Variants in MTMR9 observed in about 807,000 individuals in gnomAD.
MTMR9 encodes the protein myotubularin related protein 9.
Under a neutral mutation model 69.5 loss-of-function variants are expected in MTMR9, and 39 were observed. The observed-to-expected ratio is 0.56, with a 90% CI of 0.43 to 0.73. The LOEUF (loss-of-function observed/expected upper bound fraction) is 0.73. Ranked by LOEUF, MTMR9 falls within the 30% of genes least tolerant of loss-of-function variation. The pLI is 0.00. For missense variants in MTMR9, 900 were observed against 671.2 expected, an observed-to-expected ratio of 1.34 and a Z score of -3.77; for synonymous variants, 354 against 240.8, an observed-to-expected ratio of 1.47 and a Z score of -4.35.
chr8:11,329,865 TGAG>T (rs1169644996), downstream of MTMR9, among the ~76,000 whole-genome samples: 7 of 149,182 alleles, frequency 4.7e-5, no homozygotes, highest in East Asian at 1.0e-3. Flanking sequence ...GTCTAGGAAG[TGAG>T]GAGCGTCTCT....
downstream of MTMR9, among the ~76,000 whole-genome samples, chr8:11,330,561 G>C (rs1801172901): frequency 6.6e-6 from 1 of 152,232 alleles, no homozygotes; most frequent in Admixed American, 6.5e-5. Flanking sequence ...ACTTCATTTT[G>C]TTCTGTACTG....
chr8:11,300,287 T>C (rs937351243), intron 3 of MTMR9, 139 bp downstream of exon 3: 1 of 912,096 alleles, frequency 1.1e-6, no homozygotes, highest in African/African-American at 1.7e-5. Flanking sequence ...TTTAAAAGGA[T>C]TGAAGCCATG....
chr8:11,295,498 TACTC>T (rs3841665), intron 2 of MTMR9, among the ~76,000 whole-genome samples, 196 bp downstream of exon 2: 54,618 of 151,834 alleles, frequency 0.36, 11,051 homozygotes, highest in East Asian at 0.7. Context: ...TGTCTGGTGT[TACTC>T]ACGTTATATG....
At position 11,324,604 on chromosome 8, in the gene MTMR9, C is replaced by A. The variant is rs1460025006; in HGVS notation, c.*1816C>A. On this transcript the variant is annotated 3_prime_UTR_variant, in exon 10 of 10. Transcript: ENST00000221086. Reference sequence around the variant, plus strand: ...TTAATACAGCTGAGCTTTTTGTTTTCTTCTCTTTTTGTCTCAAGATTGTAT... The same window carrying A: ...TTAATACAGCTGAGCTTTTTGTTTTATTCTCTTTTTGTCTCAAGATTGTAT... 43 of 149,770 alleles carry A rather than the reference C, an allele frequency of 2.9e-4. No homozygotes were observed. The highest frequency in any genetic ancestry group is 5.9e-5 in the Non-Finnish European group (4 of 67,568). The allele number at this position is 149,770 out of a possible 1,614,324, so 9.3% of individuals were successfully genotyped here.
At chr8:11,289,613 C>T (rs1276394604) in intron 1 of MTMR9, among the ~76,000 whole-genome samples, 1 of 152,028 alleles carries the variant, frequency 6.6e-6, no homozygotes, top group South Asian at 2.1e-4. Context: ...TTTTCACTCC[C>T]GTTTCCTGCC....
chr8:11,285,051 A>G lies in MTMR9; in HGVS notation c.163A>G (p.Ile55Val). 4.4e-6 allele frequency: 7 copies of G among 1,604,228 alleles called. No homozygotes were observed. The highest frequency in any genetic ancestry group is 1.7e-5 in the Admixed American group (1 of 59,104). Reference sequence around the variant, plus strand: ...GGAGCTGTGGCTCCTCCATTCAAACATCGACGCCATCGACAAGCGGTGAGT... The same window carrying G: ...GGAGCTGTGGCTCCTCCATTCAAACGTCGACGCCATCGACAAGCGGTGAGT... ...TEELWLLHSN[I>V]DAIDKRFVGS... Residue 55 changes from isoleucine to valine, a missense_variant, in exon 1 of 10, where the codon ATC becomes GTC. Coordinates refer to ENST00000221086, the MANE Select transcript of MTMR9 (RefSeq NM_015458.4).
At position 11,300,028 on chromosome 8, in the gene MTMR9, G is replaced by A. The variant is rs1463596955; in HGVS notation, c.297G>A (p.Leu99=). The part of the protein sequence containing the change: ...CLNIASSIEA[L]STLDSITLMY... ...TCTTTTCTTTTTGCCCCCAGGCATT[G>A]TCTACTCTGGACTCCATCACTCTGA... Residue 99 remains leucine (L), a synonymous_variant, in exon 3 of 10, where the codon TTG becomes TTA. Transcript: ENST00000221086. 6 of 1,610,836 alleles carry A rather than the reference G, an allele frequency of 3.7e-6. No individual in the cohort carries two copies. Among genetic ancestry groups the A allele is most frequent in the East Asian group, 2.2e-5 (1 of 44,736 alleles).
intron 9 of MTMR9, chr8:11,321,311 C>T: frequency 2.5e-6 from 1 of 405,196 alleles, no homozygotes; most frequent in Admixed American, 2.7e-5. Flanking sequence ...TCGTCACAGT[C>T]AGTACAGGGT....
At chr8:11,321,391 C>G (rs1181631179) in intron 9 of MTMR9, 2 of 456,152 alleles carry the variant, frequency 4.4e-6, no homozygotes, top group Non-Finnish European at 8.8e-6. Flanking sequence ...GTACTTAAAG[C>G]CACTGTCACA....
rs1358595895 is a variant in MTMR9, at chr8:11,327,625, T to C, written c.*4837T>C. 2.6e-5 allele frequency: 4 copies of C among 152,692 alleles called. No homozygotes were observed. Among genetic ancestry groups the C allele is most frequent in the African/African-American group, 9.6e-5 (4 of 41,466 alleles). The allele number at this position is 152,692 out of a possible 1,614,324, so 9.5% of individuals were successfully genotyped here. On this transcript the variant is annotated 3_prime_UTR_variant, in exon 10 of 10. Transcript: ENST00000221086. Reference sequence around the variant, plus strand: ...GTTTATAAAAACAAAGAATGTGTATTTCTTCAATAGCCGGGTATTTGGATT... The same window carrying C: ...GTTTATAAAAACAAAGAATGTGTATCTCTTCAATAGCCGGGTATTTGGATT...
chr8:11,288,501 G>A (rs758188375), intron 1 of MTMR9, among the ~76,000 whole-genome samples: 1 of 151,730 alleles, frequency 6.6e-6, no homozygotes, highest in African/African-American at 2.4e-5. Flanking sequence ...GGAATGAAAT[G>A]AGGAAGCTAG....
chr8:11,319,514 T>C (rs955262454), intron 8 of MTMR9, 173 bp from the exon 9 acceptor site: 9 of 639,952 alleles, frequency 1.4e-5, no homozygotes, highest in African/African-American at 5.5e-5. Flanking sequence ...AGAGTTCTAA[T>C]GCCGATTGAG....
chr8:11,318,489 T>C (rs551089431), intron 8 of MTMR9: 2 of 152,354 alleles, frequency 1.3e-5, no homozygotes, highest in Admixed American at 6.5e-5. Flanking sequence ...TAAATAATCA[T>C]GTGGTTTCAG....
intron 3 of MTMR9, 149 bp from the exon 4 acceptor site, chr8:11,304,692 T>TA: frequency 2.7e-6 from 2 of 732,144 alleles, no homozygotes; most frequent in Non-Finnish European, 4.5e-6. Flanking sequence ...TGCAGCTACT[T>TA]ACATATAAGC....
chr8:11,331,073 T>C (rs759251859), downstream of MTMR9: 13 of 1,561,952 alleles, frequency 8.3e-6, no homozygotes, highest in African/African-American at 1.1e-4. Flanking sequence ...CCAGGCTCCC[T>C]GAGCCAGGAG....
chr8:11,290,979 G>C (rs1017955646), intron 1 of MTMR9, among the ~76,000 whole-genome samples: 1 of 149,922 alleles, frequency 6.7e-6, no homozygotes, highest in African/African-American at 2.5e-5. Context: ...AATAATTGAA[G>C]ACTCAAAGGC....
At position 11,304,997 on chromosome 8, in the gene MTMR9, C is replaced by T. The variant is rs770493177; in HGVS notation, c.574C>T (p.His192Tyr). The change falls in exon 4 of 10, where the codon CAC becomes TAC. Residue 192 changes from histidine (H) to tyrosine (Y), a missense_variant. Physicochemically the swap from His to Tyr is moderately conservative, Grantham distance 83. Transcript: ENST00000221086. ...GCGCTTCCCAGTACTAAGCTATTAC[C>T]ACAAAAAAAATGGGATGGTAAGTGC... ...GGRFPVLSYYHKKNGMVIMRS... is the reference protein window; with the variant it reads ...GGRFPVLSYYYKKNGMVIMRS... 3.1e-6 allele frequency: 5 copies of T among 1,611,812 alleles called. No homozygotes were observed. In the Admixed American group the frequency reaches 6.7e-5, roughly 22 times the overall value.
rs1800777789 is a variant in MTMR9, at chr8:11,323,260, T to G, written c.*472T>G. The G allele has an allele frequency of 6.6e-6, 1 of 152,302 alleles. No individual in the cohort carries two copies. The highest frequency in any genetic ancestry group is 2.4e-5 in the African/African-American group (1 of 41,468). The allele number at this position is 152,302 out of a possible 1,614,324, so 9.4% of individuals were successfully genotyped here. ...CAATGGATAAACCAAGGATTTTGTG[T>G]TTAACAATCCATTTCCAGTGTCTTC... On this transcript the variant is annotated 3_prime_UTR_variant, in exon 10 of 10. Coordinates refer to ENST00000221086, the MANE Select transcript of MTMR9 (RefSeq NM_015458.4).
At chr8:11,309,821 A>G in intron 6 of MTMR9, 133 bp downstream of exon 6, 1 of 853,544 alleles carries the variant, frequency 1.2e-6, no homozygotes, top group Non-Finnish European at 1.7e-6. Flanking sequence ...ACACCATCCC[A>G]TTATTGATGA....
Sources: allele counts gnomAD v4.1 joint callset (sites outside exome capture counted in the v4.1 genomes callset), GRCh38; gene constraint gnomAD v4.1.1; transcripts MANE v1.5; gene names NCBI Gene and HGNC (gene_info 2026-07-23, HGNC 2026-07-21).